Variants in ITPR2 observed in about 807,000 individuals in gnomAD.
The protein encoded by ITPR2 is inositol 1,4,5-trisphosphate-gated calcium channel ITPR2.
A neutral mutation model predicts 317.1 loss-of-function variants in ITPR2; 207 were observed. That is an observed-to-expected ratio of 0.65 (90% CI 0.58 to 0.73). The LOEUF is 0.73. Among genes scored for constraint, ITPR2 ranks in the 30% least tolerant of loss-of-function variants. The probability of loss-of-function intolerance (pLI) is 0.00; values close to 1 mark genes in which losing one functional copy is unlikely to be tolerated. For synonymous variants in ITPR2, 1,156 were observed against 1,149.1 expected, an observed-to-expected ratio of 1.01 and a Z score of -0.12; for missense variants, 2,613 against 3,284.0, an observed-to-expected ratio of 0.80 and a Z score of 4.99.
At chr12:26,734,996 C>CTTTTTTTT (rs5797195) in intron 2 of ITPR2, among the ~76,000 whole-genome samples, 3 of 109,042 alleles carry the variant, frequency 2.8e-5, no homozygotes, top group African/African-American at 7.0e-5. Flanking sequence ...GCAAGCCAGT[C>CTTTTTTTT]TTTTTTTTTT....
Position 26,411,349 on chromosome 12 carries a change from CA to C in ITPR2, c.7369del (p.Cys2457ValfsTer34). The C allele has an allele frequency of 6.2e-7, 1 of 1,613,604 alleles. No homozygotes were observed. Among genetic ancestry groups the C allele is most frequent in the Non-Finnish European group, 8.5e-7 (1 of 1,179,678 alleles). On this transcript the variant is annotated frameshift_variant, in exon 52 of 57. Coordinates refer to ENST00000381340, the MANE Select transcript of ITPR2 (RefSeq NM_002223.4). LOFTEE classifies it high-confidence loss of function. ...TMMEACAKEN[C>X]SPTIPASNTA... The stretch of plus-strand genomic sequence containing the variant: ...ATTTGAAGCTGGAATTGTGGGTGAA[CA>C]GTTCTCCTTGGCACATGCTTCCATC...
chr12:26,383,221 C>T (rs970523588), intron 55 of ITPR2, among the ~76,000 whole-genome samples: 3 of 152,172 alleles, frequency 2.0e-5, no homozygotes, highest in African/African-American at 4.8e-5. Context: ...TGAGGCCTCA[C>T]CAGAAGCTGA....
At chr12:26,477,458 C>G (rs114713627) in intron 43 of ITPR2, among the ~76,000 whole-genome samples, 3 of 151,748 alleles carry the variant, frequency 2.0e-5, no homozygotes, top group East Asian at 3.9e-4. Flanking sequence ...ATTAGCAAAT[C>G]GAAACCTAAA....
At chr12:26,647,199 A>G (rs1022875282) in intron 21 of ITPR2, among the ~76,000 whole-genome samples, 33 of 152,250 alleles carry the variant, frequency 2.2e-4, no homozygotes, top group African/African-American at 7.5e-4. Context: ...GAAGGATATT[A>G]ACAGGATAAC....
At chr12:26,775,200 A>C (rs557285648) in intron 2 of ITPR2, among the ~76,000 whole-genome samples, 2 of 152,348 alleles carry the variant, frequency 1.3e-5, no homozygotes, top group African/African-American at 4.8e-5. Context: ...ATAACAACAG[A>C]ATAACATGAA....
intron 37 of ITPR2, among the ~76,000 whole-genome samples, chr12:26,513,965 G>T (rs1277575497): frequency 6.6e-6 from 1 of 152,126 alleles, no homozygotes; most frequent in East Asian, 1.9e-4. Context: ...TCCCATGTTT[G>T]AACTTCTGAA....
intron 55 of ITPR2, among the ~76,000 whole-genome samples, chr12:26,380,314 A>G (rs1051915939): frequency 6.6e-6 from 1 of 152,232 alleles, no homozygotes; most frequent in Non-Finnish European, 1.5e-5. Context: ...TCATGGTCTT[A>G]CACATGAATA....
At chr12:26,818,741 G>A (rs1360438241) in intron 1 of ITPR2, among the ~76,000 whole-genome samples, 1 of 151,820 alleles carries the variant, frequency 6.6e-6, no homozygotes, top group Non-Finnish European at 1.5e-5. Context: ...AACCAGAACT[G>A]AAATCATCAT....
intron 32 of ITPR2, among the ~76,000 whole-genome samples, chr12:26,583,860 C>T (rs1945458980): frequency 6.6e-6 from 1 of 151,998 alleles, no homozygotes; most frequent in African/African-American, 2.4e-5. Flanking sequence ...CTTGAAACAA[C>T]CAAGTCGACC....
chr12:26,465,552 T>C (rs962191077), intron 45 of ITPR2, among the ~76,000 whole-genome samples: 16 of 152,106 alleles, frequency 1.1e-4, no homozygotes, highest in African/African-American at 3.9e-4. Flanking sequence ...GCTGAGCAAA[T>C]GATCAAACGA....
chr12:26,762,010 T>G (rs1372643616), intron 2 of ITPR2, among the ~76,000 whole-genome samples: 1 of 151,602 alleles, frequency 6.6e-6, no homozygotes, highest in Non-Finnish European at 1.5e-5. Context: ...GAAGGTGAGC[T>G]CAAAGGCAGG....
chr12:26,531,713 C>A (rs1375077132), intron 37 of ITPR2, among the ~76,000 whole-genome samples: 2 of 151,958 alleles, frequency 1.3e-5, no homozygotes, highest in African/African-American at 4.8e-5. Context: ...CAAGACAATT[C>A]TCTTTTCCTG....
intron 55 of ITPR2, among the ~76,000 whole-genome samples, chr12:26,364,801 C>T (rs778993846): frequency 1.3e-5 from 2 of 152,050 alleles, no homozygotes; most frequent in South Asian, 2.1e-4. Context: ...CTTTTGACTC[C>T]GGTTAGTGTG....
chr12:26,791,190 A>G (rs1236849464), intron 1 of ITPR2, among the ~76,000 whole-genome samples: 3 of 152,234 alleles, frequency 2.0e-5, no homozygotes, highest in African/African-American at 7.2e-5. Context: ...GAGCCAGGAG[A>G]CATGAATCCC....
Position 26,356,438 on chromosome 12 carries a change from C to T in ITPR2, c.7858-16110G>A, listed in dbSNP as rs17384843. Among the ~76,000 whole-genome samples, 174 of 152,298 alleles carry T rather than the reference C, an allele frequency of 1.1e-3. 3 individuals are homozygous for T. Among genetic ancestry groups the T allele is most frequent in the Non-Finnish European group, 3.5e-4 (24 of 68,012 alleles). On this transcript the variant is annotated intron_variant, in intron 55 of 56. Transcript: ENST00000381340. ...GGAGACAAGTGAGACCGAAAGAATA[C>T]GGTATGCTCTAATTCCAGAGGATCC...
chr12:26,344,570 C>T (rs1938244191), intron 55 of ITPR2, among the ~76,000 whole-genome samples: 1 of 152,176 alleles, frequency 6.6e-6, no homozygotes, highest in South Asian at 2.1e-4. Flanking sequence ...AAGTCCATGG[C>T]CTCTTGCTTT....
intron 13 of ITPR2, among the ~76,000 whole-genome samples, chr12:26,666,894 G>A (rs1441621353): frequency 5.3e-5 from 8 of 152,158 alleles, no homozygotes; most frequent in Admixed American, 4.6e-4. Flanking sequence ...TCGATTGAGG[G>A]AGGGGGCAGG....
chr12:26,342,496 G>GGGGC (rs1938156115), intron 55 of ITPR2, among the ~76,000 whole-genome samples: 8 of 9,338 alleles, frequency 8.6e-4, no homozygotes, highest in African/African-American at 2.0e-3. Flanking sequence ...GGTCACGGCG[G>GGGGC]TGGGGGGGGG....
At chr12:26,573,438 T>G (rs1945209290) in intron 34 of ITPR2, among the ~76,000 whole-genome samples, 1 of 152,148 alleles carries the variant, frequency 6.6e-6, no homozygotes, top group South Asian at 2.1e-4. Context: ...AGTTCCTCTT[T>G]TTATCATTTA....
Sources: gnomAD v4.1 joint callset for allele counts (sites outside exome capture counted in the v4.1 genomes callset) on GRCh38, gnomAD v4.1.1 for gene constraint, MANE v1.5 for transcripts, NCBI Gene and HGNC (gene_info 2026-07-23, HGNC 2026-07-21) for gene names.